NBEA: variants seen among roughly 807,000 people sequenced by gnomAD.
NBEA encodes the protein neurobeachin.
Under a neutral mutation model 343.4 loss-of-function variants are expected in NBEA, and 44 were observed. That is an observed-to-expected ratio of 0.13 (90% CI 0.10 to 0.16). The LOEUF (loss-of-function observed/expected upper bound fraction) is 0.16. NBEA is among the 10% of genes least tolerant of loss of function. NBEA has a pLI of 1.00. For synonymous variants in NBEA, 1,175 were observed against 1,238.7 expected (o/e 0.95, Z 1.08); for missense variants, 2,555 against 3,631.3 (o/e 0.70, Z 7.62).
chr13:35,109,497 T>C, intron 12 of NBEA, 55 bp downstream of exon 12: 1 of 1,436,604 alleles, frequency 7.0e-7, no homozygotes, highest in African/African-American at 1.4e-5. Context: ...ACATTATAGT[T>C]GCTGGATCTA....
intron 1 of NBEA, among the ~76,000 whole-genome samples, chr13:34,982,092 T>A (rs1028704871): frequency 1.3e-5 from 2 of 152,100 alleles, no homozygotes; most frequent in Admixed American, 6.6e-5. Flanking sequence ...TTATTATTAC[T>A]TTGTCCTACT....
intron 41 of NBEA, among the ~76,000 whole-genome samples, chr13:35,521,725 G>A (rs2077722579): frequency 6.6e-6 from 1 of 152,180 alleles, no homozygotes; most frequent in African/African-American, 2.4e-5. Flanking sequence ...CAAGGAGAGG[G>A]AATTTGGTTG....
chr13:35,185,678 C>T (rs1171712016), intron 30 of NBEA: 1 of 152,056 alleles, frequency 6.6e-6, no homozygotes, highest in Non-Finnish European at 1.5e-5. Flanking sequence ...GAAAGTCTTG[C>T]TATGAAAATA....
At chr13:35,301,255 G>A (rs1245356909) in intron 35 of NBEA, among the ~76,000 whole-genome samples, 2 of 151,298 alleles carry the variant, frequency 1.3e-5, no homozygotes, top group East Asian at 1.9e-4. Context: ...ATGTGCCATC[G>A]TGGTTTGCTG....
At chr13:35,294,116 G>A (rs1030376582) in intron 35 of NBEA, among the ~76,000 whole-genome samples, 4 of 151,922 alleles carry the variant, frequency 2.6e-5, no homozygotes, top group Admixed American at 1.3e-4. Flanking sequence ...TGGTTTGTTT[G>A]AATTTACTTT....
chr13:35,658,034 T>G (rs2084902060), intron 55 of NBEA, among the ~76,000 whole-genome samples: 1 of 152,164 alleles, frequency 6.6e-6, no homozygotes, highest in Non-Finnish European at 1.5e-5. Context: ...GTAGCTTTGG[T>G]ACATCAGTTA....
chr13:35,072,270 A>T (rs1282792982), intron 10 of NBEA, among the ~76,000 whole-genome samples: 2 of 152,134 alleles, frequency 1.3e-5, no homozygotes, highest in African/African-American at 2.4e-5. Flanking sequence ...TGAAATACAT[A>T]TATTATCAAA....
At chr13:35,308,937 A>G (rs1566598612) in intron 35 of NBEA, among the ~76,000 whole-genome samples, 5 of 151,748 alleles carry the variant, frequency 3.3e-5, no homozygotes, top group African/African-American at 9.7e-5. Context: ...TTACATAGTT[A>G]TCTATTACAT....
At chr13:35,567,319 T>C (rs949128847) in intron 45 of NBEA, among the ~76,000 whole-genome samples, 8 of 152,138 alleles carry the variant, frequency 5.3e-5, no homozygotes, top group South Asian at 4.1e-4. Flanking sequence ...GTAGAAAATA[T>C]GATGGCAAAT....
chr13:35,248,764 C>T (rs1413238829), intron 34 of NBEA, among the ~76,000 whole-genome samples: 1 of 152,150 alleles, frequency 6.6e-6, no homozygotes, highest in African/African-American at 2.4e-5. Context: ...TGGGCCCTTA[C>T]CTTTCTCCAT....
chr13:35,622,597 A>T (rs2083042049), intron 48 of NBEA, among the ~76,000 whole-genome samples: 1 of 152,234 alleles, frequency 6.6e-6, no homozygotes, highest in Non-Finnish European at 1.5e-5. Flanking sequence ...GAATTATTGA[A>T]GTTGTAATAG....
chr13:35,304,547 A>C (rs916249998), intron 35 of NBEA, among the ~76,000 whole-genome samples: 12 of 152,122 alleles, frequency 7.9e-5, no homozygotes, highest in African/African-American at 2.9e-4. Context: ...GCAGTTCTTG[A>C]AGGGAAAACA....
At chr13:35,429,800 C>CATGTGT (rs377263036) in intron 38 of NBEA, among the ~76,000 whole-genome samples, 3 of 140,200 alleles carry the variant, frequency 2.1e-5, no homozygotes, top group South Asian at 5.0e-4. Context: ...GAGTCCCCAA[C>CATGTGT]GTGTGTGTGT....
intron 38 of NBEA, among the ~76,000 whole-genome samples, chr13:35,382,003 T>C (rs2042036422): frequency 6.6e-6 from 1 of 152,146 alleles, no homozygotes; most frequent in Admixed American, 6.6e-5. Flanking sequence ...TCTCTAGCCA[T>C]GACAGATATA....
chr13:35,159,592 A>G lies in NBEA; in HGVS notation c.3421A>G (p.Asn1141Asp), dbSNP rs1192689106. ...TLADEKEDLP[N>D]SSTSFLFDKI... ...AGCAGATGAGAAAGAAGACCTTCCC[A>G]ATAGTAGTACATCATTTCTCTTTGA... is the stretch of plus-strand genomic sequence containing the variant. The change falls in exon 22 of 59, where the codon AAT becomes GAT. Residue 1141 changes from asparagine to aspartate, a missense_variant. Asn to Asp is a conservative substitution (Grantham distance 23). Coordinates refer to ENST00000379939, the MANE Select transcript of NBEA (RefSeq NM_001385012.1). 1.2e-6 allele frequency: 2 copies of G among 1,612,146 alleles called. No individual in the cohort carries two copies. Among genetic ancestry groups the G allele is most frequent in the East Asian group, 4.5e-5 (2 of 44,766 alleles).
intron 1 of NBEA, among the ~76,000 whole-genome samples, chr13:34,960,733 G>C (rs1204966376): frequency 4.6e-5 from 7 of 152,098 alleles, no homozygotes. Context: ...CCATACCATA[G>C]AGCCTATGTA....
chr13:35,050,445 T>TA, intron 6 of NBEA, 50 bp downstream of exon 6: 1 of 1,556,098 alleles, frequency 6.4e-7, no homozygotes, highest in Non-Finnish European at 8.8e-7. Context: ...ACAGAATTCT[T>TA]AACTCTCCTT....
At chr13:35,202,928 C>A (rs67188286) in intron 31 of NBEA, among the ~76,000 whole-genome samples, 20,486 of 152,056 alleles carry the variant, frequency 0.13, 1,574 homozygotes, top group African/African-American at 0.2. Flanking sequence ...TCATGTTCAC[C>A]TCCAGTTCTT....
chr13:35,062,460 G>A (rs1246503652), intron 8 of NBEA, among the ~76,000 whole-genome samples: 3 of 151,690 alleles, frequency 2.0e-5, no homozygotes, highest in Non-Finnish European at 4.4e-5. Flanking sequence ...CTCAGATTTG[G>A]TAAAAGGCTT....
Sources: allele counts gnomAD v4.1 joint callset (sites outside exome capture counted in the v4.1 genomes callset), GRCh38; gene constraint gnomAD v4.1.1; transcripts MANE v1.5; gene names NCBI Gene and HGNC (gene_info 2026-07-23, HGNC 2026-07-21).